Variants in HIF3A observed in about 807,000 individuals in gnomAD.
HIF3A encodes the protein hypoxia inducible factor 3 subunit alpha.
Under a neutral mutation model 67.2 loss-of-function variants are expected in HIF3A, and 41 were observed. The observed-to-expected ratio is 0.61, with a 90% CI of 0.48 to 0.79. The LOEUF (loss-of-function observed/expected upper bound fraction) is 0.79. Among genes scored for constraint, HIF3A ranks in the 30% least tolerant of loss-of-function variants. The pLI, the probability that HIF3A is intolerant of heterozygous loss-of-function variation, is 0.00. For missense variants in HIF3A, 855 were observed against 898.0 expected (o/e 0.95, Z 0.61); for synonymous variants, 356 against 374.8 (o/e 0.95, Z 0.58).
intron 13 of HIF3A, among the ~76,000 whole-genome samples, chr19:46,331,810 G>A (rs942889280): frequency 2.1e-5 from 3 of 142,958 alleles, no homozygotes; most frequent in Non-Finnish European, 4.5e-5. Flanking sequence ...AGCTGAGATC[G>A]TGCCACTGCA....
rs1968523676 is a variant in HIF3A, at chr19:46,303,611, G to C, written c.27-287G>C. On this transcript the variant is annotated intron_variant, in intron 1 of 14. Coordinates refer to ENST00000377670, the MANE Select transcript of HIF3A (RefSeq NM_152795.4). The stretch of plus-strand genomic sequence containing the variant: ...GGAAATAAACTGCAGATAAGTCAGG[G>C]AGGGGACAGAGCGGCCCTAGGCGCG... The C allele has an allele frequency of 4.5e-6, 7 of 1,563,492 alleles. No individual in the cohort carries two copies. The African/African-American group carries it at 6.7e-5, about 15-fold the overall frequency.
At chr19:46,320,590 G>C (rs550339655) in intron 9 of HIF3A, 29 bp downstream of exon 9, 2 of 1,565,322 alleles carry the variant, frequency 1.3e-6, no homozygotes, top group South Asian at 1.1e-5. Flanking sequence ...GCCGGGAGGG[G>C]TTGTGTCCCC....
chr19:46,331,539 A>AC (rs1380867988), intron 13 of HIF3A: 4 of 234,260 alleles, frequency 1.7e-5, no homozygotes, highest in African/African-American at 9.1e-5. Flanking sequence ...AAAAAAAAAA[A>AC]AACTCTGCAA....
Position 46,297,099 on chromosome 19 carries a change from C to A in HIF3A, c.23C>A (p.Ala8Glu). MALGLQR[A>E]RSTTELRKEK... ...GCCATGGCGCTGGGGCTGCAGCGCGCAAGGTACTGAAGTTCGGGGGCAGGA... is the reference window on the plus strand; with the variant it reads ...GCCATGGCGCTGGGGCTGCAGCGCGAAAGGTACTGAAGTTCGGGGGCAGGA... The change falls in exon 1 of 15, where the codon GCA becomes GAA. Residue 8 changes from alanine (A) to glutamate (E), a missense_variant. Coordinates refer to ENST00000377670, the MANE Select transcript of HIF3A (RefSeq NM_152795.4). The surrounding 1 kb of genome is among the most constrained non-coding windows in gnomAD (Gnocchi z 4.5). The A allele has an allele frequency of 7.7e-7, 1 of 1,300,024 alleles. No individual in the cohort carries two copies. The highest frequency in any genetic ancestry group is 9.9e-7 in the Non-Finnish European group (1 of 1,014,624). The allele number at this position is 1,300,024 out of a possible 1,614,324, so 80.5% of individuals were successfully genotyped here.
chr19:46,312,097 C>G (rs1303613015), intron 6 of HIF3A, 64 bp from the exon 7 acceptor site: 4 of 1,202,242 alleles, frequency 3.3e-6, no homozygotes, highest in Middle Eastern at 1.9e-4. Flanking sequence ...TGCTACTTCC[C>G]TCTGCCTACC....
In HIF3A at chr19:46,341,761, C is replaced by T. The variant is rs1049726774; in HGVS notation, c.*2139C>T. 1.3e-5 allele frequency: 2 copies of T among 151,808 alleles called. No homozygotes were observed. The highest frequency in any genetic ancestry group is 6.6e-5 in the Admixed American group (1 of 15,204). 9.4% of individuals were successfully genotyped at this position (151,808 alleles called of 1,614,324 possible). Reference sequence around the variant, plus strand: ...GATTCAAGTGATTCTCCTGCCTCAGCCTCCTAAATTGGTGGGATTACAGGA... The same window carrying T: ...GATTCAAGTGATTCTCCTGCCTCAGTCTCCTAAATTGGTGGGATTACAGGA... On this transcript the variant is annotated 3_prime_UTR_variant, in exon 15 of 15. Coordinates refer to ENST00000377670, the MANE Select transcript of HIF3A (RefSeq NM_152795.4).
intron 11 of HIF3A, among the ~76,000 whole-genome samples, chr19:46,327,094 G>A (rs1970839101): frequency 6.6e-6 from 1 of 152,064 alleles, no homozygotes. Context: ...GGCAGAGGTT[G>A]CAGTGAGCCG....
chr19:46,301,548 G>A (rs1434428174), intron 1 of HIF3A, among the ~76,000 whole-genome samples: 1 of 152,140 alleles, frequency 6.6e-6, no homozygotes, highest in Non-Finnish European at 1.5e-5. Context: ...CCCCTCCGCC[G>A]GGCATGGTGG....
At chr19:46,312,091 A>G (rs1287651666) in intron 6 of HIF3A, 70 bp from the exon 7 acceptor site, 2 of 1,090,988 alleles carry the variant, frequency 1.8e-6, no homozygotes, top group East Asian at 4.7e-5. Context: ...CTCTGCTGCT[A>G]CTTCCCTCTG....
rs1971910247 is a variant in HIF3A, at chr19:46,340,853, T to C, written c.*1231T>C. On this transcript the variant is annotated 3_prime_UTR_variant, in exon 15 of 15. Coordinates refer to ENST00000377670, the MANE Select transcript of HIF3A (RefSeq NM_152795.4). ...CTTCGAATTTCACCGTCTTCAGCTC[T>C]TTCTAGTTCTGGGCCTCACCAGCCT... 6.7e-6 allele frequency: 1 copy of C among 149,202 alleles called. No homozygotes were observed. Among genetic ancestry groups the C allele is most frequent in the Non-Finnish European group, 1.5e-5 (1 of 68,120 alleles). The allele number at this position is 149,202 out of a possible 1,614,324, so 9.2% of individuals were successfully genotyped here. A position where few individuals can be genotyped will look rare whatever the true frequency, so the allele number is the denominator to read the frequency against.
rs536299268 is a variant in HIF3A at position 46,305,815 on chromosome 19, A to C, written c.363+425A>C. ...AAGTTGGCCACGTGCAGTGGCTCAC[A>C]CCTGTAATCCCAGCACTTTGAGAGG... is the stretch of plus-strand genomic sequence containing the variant. On this transcript the variant is annotated intron_variant, in intron 3 of 14. Transcript: ENST00000377670. Among the ~76,000 whole-genome samples, 5 of 152,304 alleles carry C rather than the reference A, an allele frequency of 3.3e-5. No homozygotes were observed. In the East Asian group the frequency reaches 9.6e-4, roughly 29 times the overall value.
chr19:46,331,324 TAAACC>T (rs1306055691), intron 13 of HIF3A, 51 bp downstream of exon 13: 1 of 1,440,026 alleles, frequency 6.9e-7, no homozygotes, highest in Admixed American at 1.7e-5. Context: ...CTAGCTGGCT[TAAACC>T]TACTGTTTTA....
rs552679641 is a variant in HIF3A, at chr19:46,313,815, A to G, written c.1025+1162A>G. Among the ~76,000 whole-genome samples the G allele has an allele frequency of 6.6e-5, 10 of 150,834 alleles. No homozygotes were observed. In the South Asian group the frequency reaches 2.1e-3, roughly 32 times the overall value. ...CGACTAGCTGGGATTACACGCAACA[A>G]CACGCCCAGCTAATTTTTATATTTT... On this transcript the variant is annotated intron_variant, in intron 8 of 14. Transcript: ENST00000377670.
chr19:46,302,594 C>A (rs1968438665), intron 1 of HIF3A, among the ~76,000 whole-genome samples: 1 of 152,178 alleles, frequency 6.6e-6, no homozygotes, highest in African/African-American at 2.4e-5. Context: ...ATGAAAGAGG[C>A]CAGGCGTGGT....
chr19:46,330,337 G>T (rs976217136), intron 12 of HIF3A, among the ~76,000 whole-genome samples: 10 of 152,100 alleles, frequency 6.6e-5, no homozygotes, highest in Admixed American at 1.3e-4. Flanking sequence ...AGGTGAAAGG[G>T]TGTATGTATG....
chr19:46,326,419 T>C (rs892093083), intron 11 of HIF3A, among the ~76,000 whole-genome samples: 3 of 152,202 alleles, frequency 2.0e-5, no homozygotes, highest in Admixed American at 2.0e-4. Context: ...CATATTGTTT[T>C]GGTCATATAG....
At chr19:46,305,497 A>G in intron 3 of HIF3A, 107 bp downstream of exon 3, 1 of 1,056,442 alleles carries the variant, frequency 9.5e-7, no homozygotes, top group Non-Finnish European at 1.4e-6. Flanking sequence ...CACAATACAA[A>G]GGGGATATAG....
intron 3 of HIF3A, among the ~76,000 whole-genome samples, chr19:46,306,317 T>G (rs913803194): frequency 6.6e-6 from 1 of 152,046 alleles, no homozygotes; most frequent in African/African-American, 2.4e-5. Context: ...AGGTACGGCA[T>G]GGAGGTAGAT....
chr19:46,301,337 G>A (rs971027098), intron 1 of HIF3A, among the ~76,000 whole-genome samples: 10 of 152,178 alleles, frequency 6.6e-5, no homozygotes, highest in Non-Finnish European at 1.3e-4. Context: ...TTGAATTTAA[G>A]AAGGGACAGT....
Sources: allele counts gnomAD v4.1 joint callset (sites outside exome capture counted in the v4.1 genomes callset), GRCh38; gene constraint gnomAD v4.1.1; non-coding constraint Gnocchi (gnomAD v3.1); transcripts MANE v1.5; gene names NCBI Gene and HGNC (gene_info 2026-07-23, HGNC 2026-07-21).